The following PAPPA2 variants were observed in gnomAD, a reference collection of about 807,000 sequenced individuals.
PAPPA2 encodes the protein pappalysin-2.
In PAPPA2, 86 loss-of-function variants were observed where a neutral mutation model predicts 176.4. The observed-to-expected ratio is 0.49, with a 90% CI of 0.41 to 0.58. The LOEUF (loss-of-function observed/expected upper bound fraction) is 0.58, where lower values mean the gene tolerates loss of function less well. PAPPA2 is among the 20% of genes least tolerant of loss of function. PAPPA2 has a pLI of 0.00. For missense variants in PAPPA2, 2,073 were observed against 2,256.9 expected (o/e 0.92, Z 1.65); for synonymous variants, 809 against 852.2 (o/e 0.95, Z 0.88).
At chr1:176,701,151 A>G (rs542072473) in intron 8 of PAPPA2, among the ~76,000 whole-genome samples, 1 of 152,266 alleles carries the variant, frequency 6.6e-6, no homozygotes, top group Non-Finnish European at 1.5e-5. Flanking sequence ...TTCAATAGCT[A>G]GTAAATAGCA....
chr1:176,805,746 G>C lies in PAPPA2; in HGVS notation c.5202+5614G>C, dbSNP rs77267865. Among the ~76,000 whole-genome samples, 12 of 152,172 alleles carry C rather than the reference G, an allele frequency of 7.9e-5. No individual in the cohort carries two copies. The East Asian group carries it at 2.3e-3, about 29-fold the overall frequency. On this transcript the variant is annotated intron_variant, in intron 21 of 22. Coordinates refer to ENST00000367662, the MANE Select transcript of PAPPA2 (RefSeq NM_020318.3). ...TCCTGTAATCCCAACACTTTGAGAGGCTAAAGCAGGAGGATCACTTGAGGT... is the reference window on the plus strand; with the variant it reads ...TCCTGTAATCCCAACACTTTGAGAGCCTAAAGCAGGAGGATCACTTGAGGT...
intron 4 of PAPPA2, among the ~76,000 whole-genome samples, chr1:176,672,988 G>C (rs1659095680): frequency 6.6e-6 from 1 of 152,146 alleles, no homozygotes; most frequent in Non-Finnish European, 1.5e-5. Context: ...CAGGGATCCA[G>C]TATAAACCAA....
At chr1:176,558,721 C>T (rs1393932472) in intron 2 of PAPPA2, among the ~76,000 whole-genome samples, 1 of 152,052 alleles carries the variant, frequency 6.6e-6, no homozygotes, top group Non-Finnish European at 1.5e-5. Flanking sequence ...ACAATTTCTC[C>T]CAGATGACAT....
chr1:176,820,307 G>T (rs186304382), intron 21 of PAPPA2, among the ~76,000 whole-genome samples: 117 of 152,172 alleles, frequency 7.7e-4, no homozygotes, highest in African/African-American at 2.6e-3. Flanking sequence ...TGAGAATTTG[G>T]CAGGAGAAAG....
chr1:176,787,259 GAC>G (rs1292776657), intron 17 of PAPPA2, among the ~76,000 whole-genome samples: 12 of 149,666 alleles, frequency 8.0e-5, no homozygotes, highest in African/African-American at 2.5e-4. Context: ...TTTTTTTTTG[GAC>G]ACAGTCTGTA....
intron 2 of PAPPA2, among the ~76,000 whole-genome samples, chr1:176,587,230 T>C (rs1653372191): frequency 6.6e-6 from 1 of 152,184 alleles, no homozygotes; most frequent in South Asian, 2.1e-4. Flanking sequence ...TTTCAACCAT[T>C]TTTTAGGTTG....
At chr1:176,684,082 C>A (rs1442481712) in intron 4 of PAPPA2, among the ~76,000 whole-genome samples, 1 of 152,176 alleles carries the variant, frequency 6.6e-6, no homozygotes, top group Non-Finnish European at 1.5e-5. Context: ...GGAATCGTCT[C>A]AGGACCCAGG....
chr1:176,764,943 T>C (rs1663897025), intron 14 of PAPPA2, among the ~76,000 whole-genome samples: 1 of 152,196 alleles, frequency 6.6e-6, no homozygotes, highest in Non-Finnish European at 1.5e-5. Flanking sequence ...TGAGTCTAGA[T>C]TGGCCCTGGC....
At chr1:176,569,006 A>G (rs981524687) in intron 2 of PAPPA2, among the ~76,000 whole-genome samples, 4 of 152,104 alleles carry the variant, frequency 2.6e-5, no homozygotes, top group Non-Finnish European at 5.9e-5. Context: ...TACCTTTTCA[A>G]TCTCATCACT....
chr1:176,699,548 G>T lies in PAPPA2; in HGVS notation c.3195G>T (p.Leu1065Phe). The T allele has an allele frequency of 6.2e-7, 1 of 1,610,476 alleles. No homozygotes were observed. The highest frequency in any genetic ancestry group is 1.1e-5 in the South Asian group (1 of 90,984). The change falls in exon 8 of 23, where the codon TTG becomes TTT. Residue 1065 changes from leucine (L) to phenylalanine (F), a missense_variant. Leu to Phe is a conservative substitution (Grantham distance 22). Transcript: ENST00000367662. ...GCGATCCCCCATTTGCCAGTGGTTT[G>T]CCCGTGGTGGTGACACATTCTCACA... Reference protein sequence around the residue: ...VLRDPPFASGLPVVVTHSHRK... With the variant: ...VLRDPPFASGFPVVVTHSHRK...
At chr1:176,713,369 C>G (rs2102837959) in intron 12 of PAPPA2, among the ~76,000 whole-genome samples, 1 of 152,208 alleles carries the variant, frequency 6.6e-6, no homozygotes, top group East Asian at 1.9e-4. Flanking sequence ...GCACCAACTC[C>G]TGCCAGTATC....
chr1:176,711,827 T>C lies in PAPPA2; in HGVS notation c.3652-8T>C, dbSNP rs368690607. On this transcript the variant is annotated splice_polypyrimidine_tract_variant and splice_region_variant and intron_variant, in intron 11 of 22. Transcript: ENST00000367662. ...CACTTCAAATTGTTGGTTGAAATTG[T>C]ATTTCAGATTTGCACATCATACCAT... is the stretch of plus-strand genomic sequence containing the variant. 4 of 1,592,104 alleles carry C rather than the reference T, an allele frequency of 2.5e-6. No homozygotes were observed. In the South Asian group the frequency reaches 4.4e-5, roughly 18 times the overall value.
chr1:176,523,611 T>G (rs1342374507), intron 1 of PAPPA2, among the ~76,000 whole-genome samples: 1 of 152,254 alleles, frequency 6.6e-6, no homozygotes, highest in African/African-American at 2.4e-5. Flanking sequence ...AGTGGTCTCT[T>G]TCATTTGGAA....
chr1:176,550,906 C>A (rs1303216832), intron 1 of PAPPA2, among the ~76,000 whole-genome samples: 4 of 152,084 alleles, frequency 2.6e-5, no homozygotes, highest in Non-Finnish European at 5.9e-5. Context: ...GGATGTGGAA[C>A]CTGGGAGGCC....
intron 2 of PAPPA2, among the ~76,000 whole-genome samples, chr1:176,591,281 T>C (rs1313274258): frequency 6.6e-6 from 1 of 152,176 alleles, no homozygotes; most frequent in Non-Finnish European, 1.5e-5. Context: ...TGGCACTCTC[T>C]AGCCTTCCCA....
intron 21 of PAPPA2, among the ~76,000 whole-genome samples, chr1:176,832,291 C>A (rs1350725610): frequency 6.6e-6 from 1 of 152,198 alleles, no homozygotes; most frequent in Non-Finnish European, 1.5e-5. Context: ...AAGAAATTTT[C>A]TCAGATTCTG....
At chr1:176,775,130 T>C (rs576837758) in intron 17 of PAPPA2, among the ~76,000 whole-genome samples, 33 of 152,316 alleles carry the variant, frequency 2.2e-4, no homozygotes, top group Admixed American at 2.0e-3. Flanking sequence ...ACTTCTCTGA[T>C]GATATCACTT....
intron 2 of PAPPA2, among the ~76,000 whole-genome samples, chr1:176,561,930 A>G (rs940804740): frequency 1.3e-4 from 20 of 152,222 alleles, no homozygotes; most frequent in Admixed American, 9.2e-4. Context: ...GGTGGCAGGC[A>G]AGACAGCGTG....
At chr1:176,530,395 C>T (rs973955123) in intron 1 of PAPPA2, among the ~76,000 whole-genome samples, 1 of 152,010 alleles carries the variant, frequency 6.6e-6, no homozygotes, top group Non-Finnish European at 1.5e-5. Context: ...CAGTGAGGAA[C>T]ACAAGCAAGG....
Sources: allele counts gnomAD v4.1 joint callset (sites outside exome capture counted in the v4.1 genomes callset), GRCh38; gene constraint gnomAD v4.1.1; transcripts MANE v1.5; gene names NCBI Gene and HGNC (gene_info 2026-07-23, HGNC 2026-07-21).